LTBP1: variants seen among roughly 807,000 people sequenced by gnomAD.
The protein encoded by LTBP1 is latent transforming growth factor beta binding protein 1.
A neutral mutation model predicts 207.6 loss-of-function variants in LTBP1; 129 were observed. The observed-to-expected ratio is 0.62, with a 90% CI of 0.54 to 0.72. The LOEUF (loss-of-function observed/expected upper bound fraction) is 0.72, where lower values mean the gene tolerates loss of function less well. Among genes scored for constraint, LTBP1 ranks in the 30% least tolerant of loss-of-function variants. LTBP1 has a pLI of 0.00. For missense variants in LTBP1, 2,281 were observed against 2,217.2 expected (o/e 1.03, Z -0.58); for synonymous variants, 963 against 833.7 (o/e 1.16, Z -2.67).
chr2:33,202,956 G>A (rs1478551877), intron 7 of LTBP1, among the ~76,000 whole-genome samples: 2 of 152,240 alleles, frequency 1.3e-5, no homozygotes, highest in African/African-American at 4.8e-5. Flanking sequence ...GCTTCCTTGA[G>A]GTGGAATAAG....
chr2:33,300,726 A>G (rs1410670932), intron 21 of LTBP1, among the ~76,000 whole-genome samples, 153 bp downstream of exon 21: 2 of 152,260 alleles, frequency 1.3e-5, no homozygotes, highest in Non-Finnish European at 2.9e-5. Context: ...AAGTTAGGAA[A>G]GTCAATAAAA....
rs1443286212 is a variant in LTBP1, at chr2:33,397,246, G to A, written c.4948G>A (p.Gly1650Arg). The change falls in exon 33 of 34, where the codon GGG becomes AGG. Residue 1650 changes from glycine (G) to arginine (R), a missense_variant. Physicochemically the swap from Gly to Arg is moderately radical, Grantham distance 125 (BLOSUM62 -2). This residue lies in a region of LTBP1 where 1,671 missense variants were observed against 1,634.8 expected (regional missense o/e 1.02). Coordinates refer to ENST00000404816, the MANE Select transcript of LTBP1 (RefSeq NM_206943.4). ...AGGTTACACCTGCGATTGCTTTGATGGGTATCACTTGGATACGGCCAAGAT... is the reference window on the plus strand; with the variant it reads ...AGGTTACACCTGCGATTGCTTTGATAGGTATCACTTGGATACGGCCAAGAT... Reference protein sequence around the residue: ...QEGYTCDCFDGYHLDTAKMTC... With the variant: ...QEGYTCDCFDRYHLDTAKMTC... 3.1e-6 allele frequency: 5 copies of A among 1,614,110 alleles called. No homozygotes were observed. The South Asian group carries it at 3.3e-5, about 11-fold the overall frequency.
intron 2 of LTBP1, among the ~76,000 whole-genome samples, chr2:32,977,617 A>C (rs558280657): frequency 1.4e-4 from 21 of 152,090 alleles, no homozygotes; most frequent in African/African-American, 4.3e-4. Context: ...TTCAGTTTAG[A>C]AGCATGGTTG....
intron 29 of LTBP1, 100 bp downstream of exon 29, chr2:33,363,618 A>C: frequency 7.6e-7 from 1 of 1,310,468 alleles, no homozygotes; most frequent in Non-Finnish European, 1.0e-6. Flanking sequence ...AATCTAAATC[A>C]TGTGTTGAAA....
At chr2:33,339,951 A>AT (rs936543187) in intron 24 of LTBP1, among the ~76,000 whole-genome samples, 15 of 152,060 alleles carry the variant, frequency 9.9e-5, no homozygotes, top group Middle Eastern at 3.4e-3. Flanking sequence ...GGCTTCATTG[A>AT]TTTTTTAATT....
chr2:33,312,393 TAC>T (rs1479654762), intron 23 of LTBP1, among the ~76,000 whole-genome samples: 1 of 152,218 alleles, frequency 6.6e-6, no homozygotes, highest in African/African-American at 2.4e-5. Flanking sequence ...AATGATGATA[TAC>T]AGACAGTATG....
At position 33,360,689 on chromosome 2, in the gene LTBP1, C is replaced by T. The variant is rs1559067038; in HGVS notation, c.4093C>T (p.Pro1365Ser). Residue 1365 changes from proline to serine, a missense_variant, in exon 27 of 34, where the codon CCC becomes TCC. Pro to Ser is a moderately conservative substitution (Grantham distance 74, BLOSUM62 -1). Coordinates refer to ENST00000404816, the MANE Select transcript of LTBP1 (RefSeq NM_206943.4). ...DASLCDNVLA[P>S]NVTKQECCCT... Reference sequence around the variant, plus strand: ...CAGTCTCTGTGATAATGTGTTGGCCCCCAATGTCACGAAACAAGAATGCTG... The same window carrying T: ...CAGTCTCTGTGATAATGTGTTGGCCTCCAATGTCACGAAACAAGAATGCTG... The T allele has an allele frequency of 3.1e-6, 5 of 1,613,718 alleles. No homozygotes were observed. The South Asian group carries it at 5.5e-5, about 18-fold the overall frequency.
At chr2:32,948,076 C>G (rs1337657632) in intron 1 of LTBP1, among the ~76,000 whole-genome samples, 19 of 150,510 alleles carry the variant, frequency 1.3e-4, no homozygotes, top group Non-Finnish European at 1.9e-4. Flanking sequence ...GCATTTCTGC[C>G]TGGGGCGTAA....
chr2:33,012,556 C>G (rs1029358872), intron 2 of LTBP1, among the ~76,000 whole-genome samples: 2 of 152,196 alleles, frequency 1.3e-5, no homozygotes, highest in Non-Finnish European at 2.9e-5. Flanking sequence ...TGACACGTAG[C>G]TGTATGGTGA....
At chr2:33,201,178 G>A (rs1315294044) in intron 7 of LTBP1, among the ~76,000 whole-genome samples, 7 of 152,200 alleles carry the variant, frequency 4.6e-5, no homozygotes, top group South Asian at 4.1e-4. Flanking sequence ...ACATGCACAC[G>A]TATGTTTATT....
intron 7 of LTBP1, among the ~76,000 whole-genome samples, chr2:33,208,743 C>G (rs2090066974): frequency 6.6e-6 from 1 of 152,044 alleles, no homozygotes. Context: ...AGTAGTCTGT[C>G]CTTACAATTT....
intron 5 of LTBP1, among the ~76,000 whole-genome samples, chr2:33,176,188 AAAG>A (rs1276645647): frequency 2.0e-5 from 3 of 150,988 alleles, no homozygotes; most frequent in Non-Finnish European, 2.9e-5. Context: ...AAATAAATAA[AAAG>A]AAATAAAATC....
chr2:33,053,532 G>A (rs74825240), intron 3 of LTBP1, among the ~76,000 whole-genome samples: 4 of 151,940 alleles, frequency 2.6e-5, no homozygotes, highest in Admixed American at 6.5e-5. Flanking sequence ...CGGCCTCGGC[G>A]CCCAGTCTAC....
chr2:33,051,940 G>C (rs1017700911), intron 3 of LTBP1, among the ~76,000 whole-genome samples: 14 of 152,130 alleles, frequency 9.2e-5, no homozygotes, highest in African/African-American at 3.1e-4. Flanking sequence ...AGTTTTATTT[G>C]AATACCGATC....
At chr2:33,346,205 T>C (rs1252704678) in intron 25 of LTBP1, among the ~76,000 whole-genome samples, 1 of 152,248 alleles carries the variant, frequency 6.6e-6, no homozygotes, top group Non-Finnish European at 1.5e-5. Flanking sequence ...GCCTGATGAG[T>C]ATCTATAGGA....
chr2:33,229,510 C>T (rs1034949952), intron 9 of LTBP1, among the ~76,000 whole-genome samples: 4 of 152,048 alleles, frequency 2.6e-5, no homozygotes, highest in East Asian at 3.9e-4. Context: ...GAAGGAGAGA[C>T]GGAGGGAGAG....
intron 3 of LTBP1, among the ~76,000 whole-genome samples, chr2:33,026,917 C>G (rs1434447974): frequency 6.6e-6 from 1 of 152,200 alleles, no homozygotes; most frequent in South Asian, 2.1e-4. Context: ...CCACAAAGCC[C>G]CTTGTTCTTA....
At chr2:33,201,641 A>AAAG (rs367681488) in intron 7 of LTBP1, among the ~76,000 whole-genome samples, 12,071 of 112,646 alleles carry the variant, frequency 0.11, 1,018 homozygotes, top group African/African-American at 0.23. Flanking sequence ...TAATAAAAAA[A>AAAG]AAGAAGAAGA....
At chr2:33,113,237 T>C (rs1467294166) in intron 4 of LTBP1, among the ~76,000 whole-genome samples, 1 of 152,170 alleles carries the variant, frequency 6.6e-6, no homozygotes, top group African/African-American at 2.4e-5. Context: ...TATTGATATA[T>C]TACAAGAGCA....
Sources: allele counts gnomAD v4.1 joint callset (sites outside exome capture counted in the v4.1 genomes callset), GRCh38; gene constraint gnomAD v4.1.1; regional missense constraint gnomAD v4.1.1; transcripts MANE v1.5; gene names NCBI Gene and HGNC (gene_info 2026-07-23, HGNC 2026-07-21).